The following NAA16 variants were observed in gnomAD, a reference collection of about 807,000 sequenced individuals.
NAA16 encodes the protein N-alpha-acetyltransferase 16, NatA auxiliary subunit, also known as NARG1-like protein.
A neutral mutation model predicts 110.3 loss-of-function variants in NAA16; 97 were observed. That is an observed-to-expected ratio of 0.88 (90% confidence interval 0.75 to 1.04). NAA16 has a LOEUF of 1.04. Among genes scored for constraint, NAA16 ranks in the 50% least tolerant of loss-of-function variants. The probability of loss-of-function intolerance (pLI) is 0.00; values close to 1 mark genes in which losing one functional copy is unlikely to be tolerated. For missense variants in NAA16, 1,017 were observed against 1,005.1 expected, an observed-to-expected ratio of 1.01 and a Z score of -0.16; for synonymous variants, 372 against 330.6, an observed-to-expected ratio of 1.13 and a Z score of -1.36.
At chr13:41,370,176 C>T (rs2043288154) in intron 15 of NAA16, among the ~76,000 whole-genome samples, 1 of 152,068 alleles carries the variant, frequency 6.6e-6, no homozygotes, top group African/African-American at 2.4e-5. Context: ...TTTTGAGGGT[C>T]CAGCAAAGGA....
chr13:41,369,477 T>C (rs2043273677), intron 15 of NAA16, among the ~76,000 whole-genome samples, 194 bp downstream of exon 15: 1 of 152,166 alleles, frequency 6.6e-6, no homozygotes, highest in African/African-American at 2.4e-5. Flanking sequence ...AGAATTGCAA[T>C]TGTGGTAGGC....
chr13:41,347,223 A>G (rs1017888265), intron 9 of NAA16, among the ~76,000 whole-genome samples: 2 of 19,370 alleles, frequency 1.0e-4, no homozygotes, highest in Non-Finnish European at 1.7e-4. Flanking sequence ...TCAAAAAAAA[A>G]AAAACAAAAA....
intron 9 of NAA16, among the ~76,000 whole-genome samples, chr13:41,345,562 G>T (rs145124396): frequency 1.3e-5 from 2 of 152,120 alleles, no homozygotes; most frequent in South Asian, 2.1e-4. Context: ...TTTTGTTTTT[G>T]TGGGGTTTTT....
At chr13:41,331,441 C>A in intron 8 of NAA16, 72 bp downstream of exon 8, 1 of 1,136,904 alleles carries the variant, frequency 8.8e-7, no homozygotes, top group Non-Finnish European at 1.3e-6. Context: ...ATTTTAGAAA[C>A]GTGTTTCTGG....
At chr13:41,321,653 A>G (rs2041949489) in intron 4 of NAA16, among the ~76,000 whole-genome samples, 1 of 152,232 alleles carries the variant, frequency 6.6e-6, no homozygotes, top group Non-Finnish European at 1.5e-5. Context: ...GTTGCCATAA[A>G]TCAGTCTTTC....
In NAA16 at chr13:41,358,824, CAAAG is replaced by C. The variant is rs2043050576; in HGVS notation, c.1275_1278del (p.Glu426LeufsTer31). 6.2e-6 allele frequency: 10 copies of C among 1,601,600 alleles called. No homozygotes were observed. Among genetic ancestry groups the C allele is most frequent in the South Asian group, 3.4e-5 (3 of 89,098 alleles). On this transcript the variant is annotated frameshift_variant, in exon 12 of 20. Coordinates refer to ENST00000379406, the MANE Select transcript of NAA16 (RefSeq NM_024561.5). LOFTEE classifies it high-confidence loss of function. ...ATCTTTTATAGCATATAGGTAATCT[CAAAG>C]AAGCTGCAAAGTGGATGGATGAAGC...
At position 41,311,660 on chromosome 13, in the gene NAA16, C is replaced by G. The variant is rs2041572070; in HGVS notation, c.54+78C>G. On this transcript the variant is annotated intron_variant, in intron 1 of 19. Coordinates refer to ENST00000379406, the MANE Select transcript of NAA16 (RefSeq NM_024561.5). ...TTAAGGGCAAGCGGTCTGGCGGCGG[C>G]CGGCGCGGGCCAGGCTTGGCCTCCG... The G allele has an allele frequency of 2.2e-6, 3 of 1,374,508 alleles. No individual in the cohort carries two copies. In the East Asian group the frequency reaches 7.7e-5, roughly 35 times the overall value. The allele number at this position is 1,374,508 out of a possible 1,614,324, so 85.1% of individuals were successfully genotyped here. A position where few individuals can be genotyped will look rare whatever the true frequency, so the allele number is the denominator to read the frequency against.
chr13:41,370,446 G>GTGGCTAAC (rs1331422940), intron 15 of NAA16, among the ~76,000 whole-genome samples: 2 of 152,208 alleles, frequency 1.3e-5, no homozygotes, highest in African/African-American at 4.8e-5. Context: ...TAGGCTAACT[G>GTGGCTAAC]TACCATTTTG....
chr13:41,312,457 G>A (rs1157244368), intron 1 of NAA16, among the ~76,000 whole-genome samples: 1 of 152,160 alleles, frequency 6.6e-6, no homozygotes, highest in Admixed American at 6.6e-5. Context: ...AAGGAGAAGA[G>A]GCAGCATTCC....
intron 8 of NAA16, among the ~76,000 whole-genome samples, chr13:41,331,907 A>C (rs1273671723): frequency 6.6e-6 from 1 of 152,172 alleles, no homozygotes; most frequent in African/African-American, 2.4e-5. Flanking sequence ...TGTACTGCCT[A>C]AATATATATA....
chr13:41,326,909 CTT>C (rs2042107170), intron 6 of NAA16, among the ~76,000 whole-genome samples: 1 of 152,132 alleles, frequency 6.6e-6, no homozygotes. Flanking sequence ...CCTAAACATC[CTT>C]TGTTTCACCT....
chr13:41,367,653 G>A lies in NAA16; in HGVS notation c.1753+1G>A. 6.3e-7 allele frequency: 1 copy of A among 1,590,934 alleles called. No individual in the cohort carries two copies. The highest frequency in any genetic ancestry group is 8.6e-7 in the Non-Finnish European group (1 of 1,164,044). ...AGCAAACAACAAGAAATAAACTCAG[G>A]TAACTGAATAGGAACTTAAAAGATT... On this transcript the variant is annotated splice_donor_variant, in intron 14 of 19. Transcript: ENST00000379406. LOFTEE classifies it high-confidence loss of function.
chr13:41,311,683 C>T, intron 1 of NAA16, 101 bp downstream of exon 1: 3 of 1,021,788 alleles, frequency 2.9e-6, no homozygotes, highest in Non-Finnish European at 4.4e-6. Flanking sequence ...GGCTTGGCCT[C>T]CGCTGCCCAC....
intron 15 of NAA16, among the ~76,000 whole-genome samples, chr13:41,371,450 C>G (rs2139517555): frequency 6.6e-6 from 1 of 152,286 alleles, no homozygotes; most frequent in East Asian, 1.9e-4. Context: ...GCCTCCCTTT[C>G]CACCTCCTTC....
intron 10 of NAA16, among the ~76,000 whole-genome samples, chr13:41,357,686 A>C (rs537901763): frequency 4.6e-5 from 7 of 152,232 alleles, no homozygotes; most frequent in Admixed American, 4.6e-4. Context: ...GCTCCTCTGT[A>C]GTTAGAGGGT....
intron 11 of NAA16, 68 bp downstream of exon 11, chr13:41,358,541 T>C (rs749428053): frequency 6.3e-7 from 1 of 1,579,970 alleles, no homozygotes; most frequent in African/African-American, 1.4e-5. Flanking sequence ...TTGGAGTTTT[T>C]TCTTTGTGGA....
At chr13:41,338,694 A>G (rs2042448332) in intron 9 of NAA16, among the ~76,000 whole-genome samples, 1 of 152,094 alleles carries the variant, frequency 6.6e-6, no homozygotes, top group African/African-American at 2.4e-5. Flanking sequence ...CATTTTATTT[A>G]TTTTATTTTT....
chr13:41,350,711 C>T (rs2042814538), intron 9 of NAA16, among the ~76,000 whole-genome samples: 2 of 151,182 alleles, frequency 1.3e-5, no homozygotes, highest in East Asian at 1.9e-4. Context: ...ATCTCCACCT[C>T]CTGGGCTCAA....
rs1292388584 is a variant in NAA16, at chr13:41,347,219, AAAAAAAAACAAAAAC to A, written c.1015-7919_1015-7905del. On this transcript the variant is annotated intron_variant, in intron 9 of 19. Transcript: ENST00000379406. ...GACAGAGCGAGACTCCGTCTCAAAA[AAAAAAAAACAAAAAC>A]AAAAACAAAAAAAGAAATCAGGAAG... Among the ~76,000 whole-genome samples, 14 of 15,558 alleles carry A rather than the reference AAAAAAAAACAAAAAC, an allele frequency of 9.0e-4. No individual in the cohort carries two copies. The East Asian group carries it at 0.045, about 51-fold the overall frequency. The allele number at this position is 15,558 out of a possible 152,430, so 10.2% of individuals were successfully genotyped here. A position where few individuals can be genotyped will look rare whatever the true frequency, so the allele number is the denominator to read the frequency against.
Sources: allele counts gnomAD v4.1 joint callset (sites outside exome capture counted in the v4.1 genomes callset), GRCh38; gene constraint gnomAD v4.1.1; transcripts MANE v1.5; gene names NCBI Gene and HGNC (gene_info 2026-07-23, HGNC 2026-07-21).